ANXA10: variants seen among roughly 807,000 people sequenced by gnomAD.
ANXA10 encodes annexin 14.
A neutral mutation model predicts 53.5 loss-of-function variants in ANXA10; 49 were observed. That is an observed-to-expected ratio of 0.92 (90% CI 0.73 to 1.16). The LOEUF is 1.16. ANXA10 is among the 50% of genes most tolerant of loss of function. The probability of loss-of-function intolerance (pLI) is 0.00; values close to 1 mark genes in which losing one functional copy is unlikely to be tolerated. For missense variants in ANXA10, 393 were observed against 394.4 expected, an observed-to-expected ratio of 1.00 and a Z score of 0.03; for synonymous variants, 131 against 128.9, an observed-to-expected ratio of 1.02 and a Z score of -0.11.
intron 4 of ANXA10, 119 bp from the exon 5 acceptor site, chr4:168,164,079 T>C: frequency 1.4e-6 from 1 of 730,980 alleles, no homozygotes; most frequent in Non-Finnish European, 2.3e-6. Context: ...CCTAAACCAC[T>C]TCCTTTCCCT....
chr4:168,160,428 A>G (rs1731761796), intron 3 of ANXA10, among the ~76,000 whole-genome samples: 2 of 152,154 alleles, frequency 1.3e-5, no homozygotes, highest in African/African-American at 4.8e-5. Context: ...TCCATGGCAT[A>G]TATGTACCAC....
At chr4:168,101,100 A>G (rs1485233576) in intron 1 of ANXA10, among the ~76,000 whole-genome samples, 2 of 151,956 alleles carry the variant, frequency 1.3e-5, no homozygotes, top group Non-Finnish European at 2.9e-5. Context: ...TTTCTCATGA[A>G]TGGTTTAGTA....
intron 2 of ANXA10, among the ~76,000 whole-genome samples, chr4:168,135,678 A>G (rs185269528): frequency 6.6e-6 from 1 of 152,280 alleles, no homozygotes; most frequent in African/African-American, 2.4e-5. Flanking sequence ...ATTAGGGAGG[A>G]GATAGACAGG....
intron 3 of ANXA10, among the ~76,000 whole-genome samples, chr4:168,155,394 A>T (rs1205132948): frequency 1.7e-5 from 1 of 57,208 alleles, no homozygotes; most frequent in East Asian, 2.9e-4. Context: ...AATGTATTAT[A>T]TATTATATAT....
chr4:168,147,458 C>T (rs1210238182), intron 3 of ANXA10, among the ~76,000 whole-genome samples: 1 of 152,190 alleles, frequency 6.6e-6, no homozygotes, highest in Non-Finnish European at 1.5e-5. Context: ...ATCATAGAAA[C>T]TTATGCCTGA....
At chr4:168,136,939 A>C (rs1253114733) in intron 2 of ANXA10, among the ~76,000 whole-genome samples, 2 of 152,218 alleles carry the variant, frequency 1.3e-5, no homozygotes, top group African/African-American at 4.8e-5. Context: ...CAAAGGCTCC[A>C]AAACCTCAAC....
At chr4:168,182,638 C>T (rs1732276782) in intron 10 of ANXA10, among the ~76,000 whole-genome samples, 1 of 149,268 alleles carries the variant, frequency 6.7e-6, no homozygotes, top group Non-Finnish European at 1.5e-5. Flanking sequence ...CGGCCTGGAG[C>T]GTTCATTTTT....
chr4:168,132,452 T>TAGA (rs1335796176), intron 2 of ANXA10, among the ~76,000 whole-genome samples: 2 of 151,784 alleles, frequency 1.3e-5, no homozygotes, highest in Non-Finnish European at 2.9e-5. Flanking sequence ...CATAAAAAAG[T>TAGA]AGAAGGATGA....
intron 6 of ANXA10, among the ~76,000 whole-genome samples, chr4:168,170,922 A>C (rs2149478909): frequency 6.6e-6 from 1 of 152,302 alleles, no homozygotes. Flanking sequence ...GAAAATCAGA[A>C]GTTCCGTGAT....
At chr4:168,100,859 G>A (rs1188575393) in intron 1 of ANXA10, among the ~76,000 whole-genome samples, 1 of 151,940 alleles carries the variant, frequency 6.6e-6, no homozygotes, top group Non-Finnish European at 1.5e-5. Flanking sequence ...TTTCCCTAAT[G>A]TTTACATTTT....
At chr4:168,105,430 C>G (rs1035937387) in intron 1 of ANXA10, among the ~76,000 whole-genome samples, 1 of 152,052 alleles carries the variant, frequency 6.6e-6, no homozygotes, top group African/African-American at 2.4e-5. Context: ...ATCCATGTTT[C>G]TGCAAAGCAC....
intron 1 of ANXA10, among the ~76,000 whole-genome samples, chr4:168,104,597 T>C (rs1730689738): frequency 6.6e-6 from 1 of 151,950 alleles, no homozygotes; most frequent in African/African-American, 2.4e-5. Context: ...AGTTAACTGC[T>C]TTTCTTGAAT....
intron 1 of ANXA10, among the ~76,000 whole-genome samples, chr4:168,105,031 G>A (rs1465318356): frequency 1.3e-5 from 2 of 151,850 alleles, no homozygotes; most frequent in Non-Finnish European, 2.9e-5. Context: ...GTAGATGAGT[G>A]AATTTGTTTC....
Position 168,119,853 on chromosome 4 carries a change from G to A in ANXA10, c.19-8231G>A, listed in dbSNP as rs529473338. 1.1e-4 allele frequency among the ~76,000 whole-genome samples: 16 copies of A among 152,080 alleles called. No homozygotes were observed. The East Asian group carries it at 2.9e-3, about 28-fold the overall frequency. On this transcript the variant is annotated intron_variant, in intron 1 of 11. Transcript: ENST00000359299. ...AAGTATATACATACCAAATTAACTGGTACAAGAAATTAGGGAAAGAATTTA... is the reference window on the plus strand; with the variant it reads ...AAGTATATACATACCAAATTAACTGATACAAGAAATTAGGGAAAGAATTTA...
chr4:168,098,968 C>A (rs1331167078), intron 1 of ANXA10, among the ~76,000 whole-genome samples: 1 of 152,096 alleles, frequency 6.6e-6, no homozygotes, highest in Admixed American at 6.6e-5. Context: ...AATAAAGCAA[C>A]AGAATGTCTT....
At chr4:168,097,972 T>G (rs1730578598) in intron 1 of ANXA10, among the ~76,000 whole-genome samples, 1 of 152,122 alleles carries the variant, frequency 6.6e-6, no homozygotes. Context: ...AACACCTCTC[T>G]AGATATGTTG....
intron 8 of ANXA10, among the ~76,000 whole-genome samples, chr4:168,178,489 A>T (rs1197401467): frequency 6.6e-6 from 1 of 152,082 alleles, no homozygotes; most frequent in Non-Finnish European, 1.5e-5. Flanking sequence ...TTTTTTCTAT[A>T]TAAAGTACGC....
intron 3 of ANXA10, among the ~76,000 whole-genome samples, chr4:168,150,898 G>A (rs1011108586): frequency 4.6e-5 from 7 of 152,178 alleles, no homozygotes; most frequent in African/African-American, 1.7e-4. Context: ...AGGGTTGGTT[G>A]ATATCAGGGG....
chr4:168,171,366 C>T (rs377396179), intron 6 of ANXA10, among the ~76,000 whole-genome samples: 2 of 152,122 alleles, frequency 1.3e-5, no homozygotes, highest in Admixed American at 6.6e-5. Flanking sequence ...TGAGCTCATC[C>T]TTCTTTCAAT....
Sources: allele counts gnomAD v4.1 joint callset (sites outside exome capture counted in the v4.1 genomes callset), GRCh38; gene constraint gnomAD v4.1.1; transcripts MANE v1.5; gene names NCBI Gene and HGNC (gene_info 2026-07-23, HGNC 2026-07-21).